Variants in CCDC63 observed in about 807,000 individuals in gnomAD.
The protein encoded by CCDC63 is coiled-coil domain-containing protein 63.
CCDC63 carries 54 observed loss-of-function variants against 63.6 expected under a neutral mutation model. The ratio of observed to expected loss-of-function variants is 0.85; its 90% CI spans 0.68 to 1.07. CCDC63 has a LOEUF of 1.07. Among genes scored for constraint, CCDC63 ranks in the 50% least tolerant of loss-of-function variants. The pLI, the probability that CCDC63 is intolerant of heterozygous loss-of-function variation, is 0.00. For missense variants in CCDC63, 637 were observed against 689.6 expected (o/e 0.92, Z 0.86); for synonymous variants, 253 against 266.1 (o/e 0.95, Z 0.48).
intron 7 of CCDC63, 62 bp from the exon 8 acceptor site, chr12:110,883,968 C>A: frequency 7.8e-7 from 1 of 1,279,238 alleles, no homozygotes; most frequent in Non-Finnish European, 1.1e-6. Context: ...TTACTGTCTG[C>A]CTGGCACGGA....
In CCDC63 at chr12:110,852,963, G is replaced by A; in HGVS notation, c.9G>A (p.Val3=). Residue 3 remains valine (V), a splice_region_variant and synonymous_variant, in exon 2 of 12, where the codon GTG becomes GTA. Coordinates refer to ENST00000308208, the MANE Select transcript of CCDC63 (RefSeq NM_152591.3). MS[V]LKKNRRKDSD... Reference sequence around the variant, plus strand: ...AGTGCGGTTCCTTCAAGATGTCTGTGGTAGGTGATGCCAGCTCCCAGCCAC... The same window carrying A: ...AGTGCGGTTCCTTCAAGATGTCTGTAGTAGGTGATGCCAGCTCCCAGCCAC... 1 of 1,614,126 alleles carries A rather than the reference G, an allele frequency of 6.2e-7. No individual in the cohort carries two copies. The highest frequency in any genetic ancestry group is 8.5e-7 in the Non-Finnish European group (1 of 1,180,002).
chr12:110,869,172 T>C (rs1471599831), intron 4 of CCDC63, among the ~76,000 whole-genome samples: 1 of 152,216 alleles, frequency 6.6e-6, no homozygotes, highest in African/African-American at 2.4e-5. Flanking sequence ...GATTCCCAGC[T>C]GGAGGCTGAC....
intron 8 of CCDC63, among the ~76,000 whole-genome samples, chr12:110,890,775 T>C (rs934188891): frequency 1.4e-5 from 2 of 140,998 alleles, no homozygotes; most frequent in Admixed American, 1.4e-4. Context: ...CTCCTTTTCT[T>C]TTTTTTTTTT....
chr12:110,868,296 C>G (rs1199693925), intron 4 of CCDC63, among the ~76,000 whole-genome samples: 1 of 132,452 alleles, frequency 7.5e-6, no homozygotes, highest in African/African-American at 3.0e-5. Flanking sequence ...GATGGGCAGC[C>G]AGGCAGAGAC....
chr12:110,880,748 G>A (rs374073219), intron 6 of CCDC63, among the ~76,000 whole-genome samples: 5 of 504 alleles, frequency 9.9e-3, no homozygotes, highest in South Asian at 0.042. Context: ...TGGTGATGGT[G>A]ATGGTGGTGA....
rs2071245787 is a variant in CCDC63 at position 110,884,094 on chromosome 12, C to T, written c.918C>T (p.Ala306=). The change falls in exon 8 of 12, where the codon GCC becomes GCT. Residue 306 remains alanine, a synonymous_variant. Coordinates refer to ENST00000308208, the MANE Select transcript of CCDC63 (RefSeq NM_152591.3). The part of the protein sequence containing the change: ...RGESFESYEV[A]HLRLLKLAES... ...AGAGTTTTGAGAGCTATGAGGTGGCCCACCTCCGGCTGCTGAAGCTGGCTG... is the reference window on the plus strand; with the variant it reads ...AGAGTTTTGAGAGCTATGAGGTGGCTCACCTCCGGCTGCTGAAGCTGGCTG... 6.2e-7 allele frequency: 1 copy of T among 1,614,088 alleles called. No individual in the cohort carries two copies. The highest frequency in any genetic ancestry group is 8.5e-7 in the Non-Finnish European group (1 of 1,180,010).
At chr12:110,857,213 G>A (rs1245116269) in intron 3 of CCDC63, among the ~76,000 whole-genome samples, 2 of 151,828 alleles carry the variant, frequency 1.3e-5, no homozygotes, top group African/African-American at 4.8e-5. Context: ...TGCAACCTCC[G>A]CCTCCCGGGT....
chr12:110,906,014 AATATATATTAT>A (rs1462270556), intron 11 of CCDC63, among the ~76,000 whole-genome samples: 1 of 4,368 alleles, frequency 2.3e-4, no homozygotes, highest in Non-Finnish European at 6.0e-4. Context: ...TATATAATAT[AATATATATTAT>A]ATATTATAAT....
rs1286650897 is a variant in CCDC63 at position 110,853,329 on chromosome 12, C to A, written c.10-76C>A. The stretch of plus-strand genomic sequence containing the variant: ...TGGCCCAGCCACCCCCACTGCCCTT[C>A]ACTCTTAAGCCCATCTGTGGGCTTC... On this transcript the variant is annotated intron_variant, in intron 2 of 11. Coordinates refer to ENST00000308208, the MANE Select transcript of CCDC63 (RefSeq NM_152591.3). 23 of 1,438,974 alleles carry A rather than the reference C, an allele frequency of 1.6e-5. No homozygotes were observed. The Middle Eastern group carries it at 7.6e-4, about 47-fold the overall frequency. The allele number at this position is 1,438,974 out of a possible 1,614,324, so 89.1% of individuals were successfully genotyped here.
chr12:110,874,009 T>G (rs750987149), intron 5 of CCDC63, 48 bp downstream of exon 5: 1 of 1,571,216 alleles, frequency 6.4e-7, no homozygotes, highest in South Asian at 1.2e-5. Context: ...TGCCCACGTT[T>G]GCTCAGAACA....
At chr12:110,853,067 G>C (rs886132) in intron 2 of CCDC63, 104 bp downstream of exon 2, 758,898 of 1,282,190 alleles carry the variant, frequency 0.59, 228,717 homozygotes, top group East Asian at 0.67. Flanking sequence ...ACAGATCTGT[G>C]CTCACCCATT....
chr12:110,905,222 C>T (rs930360193), intron 11 of CCDC63, among the ~76,000 whole-genome samples: 7 of 152,070 alleles, frequency 4.6e-5, no homozygotes, highest in Non-Finnish European at 1.5e-5. Context: ...ATTGTGCCTC[C>T]AGGACCCATC....
At chr12:110,863,269 T>C (rs919472150) in intron 4 of CCDC63, among the ~76,000 whole-genome samples, 1 of 151,444 alleles carries the variant, frequency 6.6e-6, no homozygotes, top group Non-Finnish European at 1.5e-5. Context: ...CACACGTGTG[T>C]GTGTGTGTGT....
At chr12:110,886,316 G>T (rs538276146) in intron 8 of CCDC63, among the ~76,000 whole-genome samples, 1 of 152,222 alleles carries the variant, frequency 6.6e-6, no homozygotes, top group South Asian at 2.1e-4. Flanking sequence ...AACCCGGGAG[G>T]TGGAGGTTGC....
intron 5 of CCDC63, 103 bp downstream of exon 5, chr12:110,874,064 T>C (rs2136684746): frequency 6.9e-7 from 1 of 1,441,360 alleles, no homozygotes. Flanking sequence ...CCCATTTCCC[T>C]GGTTGACTCA....
At chr12:110,892,222 G>A (rs1013754049) in intron 8 of CCDC63, among the ~76,000 whole-genome samples, 8 of 152,148 alleles carry the variant, frequency 5.3e-5, no homozygotes, top group African/African-American at 1.2e-4. Flanking sequence ...CACCAGCCAC[G>A]TGTGGCTTTT....
At chr12:110,859,994 G>A (rs550254033) in intron 4 of CCDC63, among the ~76,000 whole-genome samples, 16 of 152,236 alleles carry the variant, frequency 1.1e-4, no homozygotes, top group African/African-American at 3.6e-4. Flanking sequence ...CCCTCTCCAG[G>A]TTATACCTCC....
chr12:110,868,701 G>C (rs1475666745), intron 4 of CCDC63, among the ~76,000 whole-genome samples: 4 of 144,280 alleles, frequency 2.8e-5, no homozygotes, highest in African/African-American at 7.7e-5. Context: ...CGCATGAGAG[G>C]GAGACCGTGG....
chr12:110,849,790 C>T (rs2070683785), intron 1 of CCDC63, among the ~76,000 whole-genome samples: 2 of 152,252 alleles, frequency 1.3e-5, no homozygotes, highest in Admixed American at 6.5e-5. Context: ...TGAGCCACTG[C>T]GCCCGGCCCA....
Sources: allele counts gnomAD v4.1 joint callset (sites outside exome capture counted in the v4.1 genomes callset), GRCh38; gene constraint gnomAD v4.1.1; transcripts MANE v1.5; gene names NCBI Gene and HGNC (gene_info 2026-07-23, HGNC 2026-07-21).